Variants in ADAMTSL1 observed in about 807,000 individuals in gnomAD.
The protein encoded by ADAMTSL1 is ADAMTS like 1, also known as ADAMTS-like protein 1.
In ADAMTSL1, 126 loss-of-function variants were observed where a neutral mutation model predicts 201.8. The observed-to-expected ratio is 0.62, with a 90% confidence interval of 0.54 to 0.72. The LOEUF is 0.72. Ranked by LOEUF, ADAMTSL1 falls within the 30% of genes least tolerant of loss-of-function variation. ADAMTSL1 has a pLI of 0.00. For missense variants in ADAMTSL1, 2,679 were observed against 2,277.8 expected (o/e 1.18, Z -3.59); for synonymous variants, 1,121 against 903.4 (o/e 1.24, Z -4.32).
intron 2 of ADAMTSL1, among the ~76,000 whole-genome samples, chr9:18,372,523 T>G (rs964829661): frequency 5.3e-5 from 8 of 152,186 alleles, no homozygotes; most frequent in African/African-American, 1.9e-4. Context: ...CCCCAAGGTC[T>G]TAATAATGGG....
intron 5 of ADAMTSL1, among the ~76,000 whole-genome samples, chr9:18,635,597 A>G (rs980326955): frequency 1.3e-5 from 2 of 152,162 alleles, no homozygotes; most frequent in East Asian, 3.8e-4. Flanking sequence ...TCCTTTAAAC[A>G]TTATAATGTA....
At chr9:18,823,535 C>G (rs1375572114) in intron 21 of ADAMTSL1, among the ~76,000 whole-genome samples, 1 of 152,166 alleles carries the variant, frequency 6.6e-6, no homozygotes, top group Non-Finnish European at 1.5e-5. Context: ...CTCCCTTCTC[C>G]CTCTGTTCCA....
chr9:18,264,916 C>T (rs567452380), intron 2 of ADAMTSL1, among the ~76,000 whole-genome samples: 1 of 152,276 alleles, frequency 6.6e-6, no homozygotes, highest in Non-Finnish European at 1.5e-5. Context: ...CTTCATTTCT[C>T]TGTTACATAC....
At chr9:18,295,001 C>G (rs1479679290) in intron 2 of ADAMTSL1, among the ~76,000 whole-genome samples, 1 of 152,074 alleles carries the variant, frequency 6.6e-6, no homozygotes, top group Non-Finnish European at 1.5e-5. Flanking sequence ...CAGCTTAGAT[C>G]ACAGCGTGTG....
At chr9:18,723,850 G>A (rs976324397) in intron 15 of ADAMTSL1, 1 of 152,214 alleles carries the variant, frequency 6.6e-6, no homozygotes, top group Non-Finnish European at 1.5e-5. Flanking sequence ...TCTGATGTCA[G>A]AGAAAAATCT....
At chr9:18,564,926 C>G (rs1009784245) in intron 3 of ADAMTSL1, among the ~76,000 whole-genome samples, 2 of 152,070 alleles carry the variant, frequency 1.3e-5, no homozygotes, top group African/African-American at 2.4e-5. Context: ...CTTAGAAATA[C>G]CTCTAGGGAA....
chr9:18,340,627 G>A (rs957542290), intron 2 of ADAMTSL1, among the ~76,000 whole-genome samples: 4 of 152,132 alleles, frequency 2.6e-5, no homozygotes, highest in African/African-American at 9.7e-5. Flanking sequence ...GGACCAGGTG[G>A]GAGGTAATTG....
intron 2 of ADAMTSL1, among the ~76,000 whole-genome samples, chr9:18,374,600 C>A (rs1837202062): frequency 6.6e-6 from 1 of 152,136 alleles, no homozygotes; most frequent in African/African-American, 2.4e-5. Flanking sequence ...TCCCAAAATG[C>A]TAGGATTACA....
chr9:18,101,417 G>C (rs1212921923), intron 1 of ADAMTSL1, among the ~76,000 whole-genome samples: 2 of 151,442 alleles, frequency 1.3e-5, no homozygotes, highest in Non-Finnish European at 2.9e-5. Flanking sequence ...AGAATAGCTT[G>C]AACCCAGGAG....
At chr9:18,213,991 C>A (rs567156041) in intron 2 of ADAMTSL1, among the ~76,000 whole-genome samples, 30 of 152,280 alleles carry the variant, frequency 2.0e-4, no homozygotes, top group African/African-American at 7.0e-4. Context: ...CCCGCCTGGG[C>A]CTCCCAAAGT....
intron 1 of ADAMTSL1, among the ~76,000 whole-genome samples, chr9:18,483,375 T>A (rs1821826166): frequency 6.6e-6 from 1 of 152,170 alleles, no homozygotes; most frequent in Admixed American, 6.5e-5. Context: ...TCTCCTTCTA[T>A]TGAGTTCATT....
At chr9:18,486,466 G>A (rs1193992614) in intron 1 of ADAMTSL1, among the ~76,000 whole-genome samples, 1 of 152,208 alleles carries the variant, frequency 6.6e-6, no homozygotes, top group Non-Finnish European at 1.5e-5. Flanking sequence ...CACTTTGGGA[G>A]GCCAAGGCAG....
chr9:18,127,481 A>AACACACACACACAC (rs112886805), intron 1 of ADAMTSL1, among the ~76,000 whole-genome samples: 115 of 146,240 alleles, frequency 7.9e-4, no homozygotes, highest in African/African-American at 2.1e-3. Flanking sequence ...GCACATACAC[A>AACACACACACACAC]ACACACACAC....
chr9:18,426,333 A>T (rs1156230916), intron 2 of ADAMTSL1, among the ~76,000 whole-genome samples: 1 of 151,926 alleles, frequency 6.6e-6, no homozygotes, highest in East Asian at 1.9e-4. Flanking sequence ...CATTCAAGTT[A>T]CTCTCCCTCC....
chr9:18,196,728 C>T lies in ADAMTSL1; in HGVS notation c.207+32747C>T, dbSNP rs552924310. Among the ~76,000 whole-genome samples the T allele has an allele frequency of 6.8e-4, 103 of 152,220 alleles. 1 individual carries two copies. The highest frequency in any genetic ancestry group is 2.5e-3 in the African/African-American group (102 of 41,568). ...ATTCCGTGAATCTCTCCATTCTCAT[C>T]TCACACCTCTCACTCCTTGCTTACT... On this transcript the variant is annotated intron_variant, in intron 2 of 29. Transcript: ENST00000680146.
chr9:18,533,953 G>A (rs940528088), intron 3 of ADAMTSL1, among the ~76,000 whole-genome samples: 1 of 152,200 alleles, frequency 6.6e-6, no homozygotes, highest in African/African-American at 2.4e-5. Flanking sequence ...TTGAAGGGTT[G>A]ACAGTCAGTC....
intron 28 of ADAMTSL1, chr9:18,907,890 G>C (rs1185820842): frequency 5.8e-6 from 1 of 171,818 alleles, no homozygotes; most frequent in Non-Finnish European, 1.3e-5. Context: ...AGGCATGATG[G>C]GTAGAAGGAA....
intron 1 of ADAMTSL1, among the ~76,000 whole-genome samples, chr9:17,938,918 T>A (rs1319205821): frequency 2.0e-5 from 3 of 152,112 alleles, no homozygotes; most frequent in Non-Finnish European, 4.4e-5. Context: ...AACCCTTTTG[T>A]CTTGTTTTGA....
chr9:18,100,376 GC>G (rs1824461768), intron 1 of ADAMTSL1, among the ~76,000 whole-genome samples: 1 of 152,070 alleles, frequency 6.6e-6, no homozygotes, highest in Non-Finnish European at 1.5e-5. Flanking sequence ...GAACTTCCGG[GC>G]TCAAGCAATT....
Sources: allele counts gnomAD v4.1 joint callset (sites outside exome capture counted in the v4.1 genomes callset), GRCh38; gene constraint gnomAD v4.1.1; transcripts MANE v1.5; gene names NCBI Gene and HGNC (gene_info 2026-07-23, HGNC 2026-07-21).